Variants in PPP1R3A observed in about 807,000 individuals in gnomAD.
PPP1R3A encodes RG1.
In PPP1R3A, 29 loss-of-function variants were observed where a neutral mutation model predicts 41.7. That is an observed-to-expected ratio of 0.70 (90% CI 0.52 to 0.95). The LOEUF (loss-of-function observed/expected upper bound fraction) is 0.95. Among genes scored for constraint, PPP1R3A ranks in the 40% least tolerant of loss-of-function variants. The probability of loss-of-function intolerance (pLI) is 0.00; values close to 1 mark genes in which losing one functional copy is unlikely to be tolerated. For missense variants in PPP1R3A, 1,352 were observed against 1,292.4 expected, an observed-to-expected ratio of 1.05 and a Z score of -0.71; for synonymous variants, 485 against 453.4, an observed-to-expected ratio of 1.07 and a Z score of -0.89.
chr7:113,892,117 C>T (rs746519055), intron 1 of PPP1R3A, among the ~76,000 whole-genome samples: 5 of 152,014 alleles, frequency 3.3e-5, no homozygotes, highest in Non-Finnish European at 5.9e-5. Context: ...TGATAAACAG[C>T]TAAAAAGTAA....
intron 1 of PPP1R3A, among the ~76,000 whole-genome samples, chr7:113,888,814 G>T (rs936283831): frequency 1.3e-5 from 2 of 152,120 alleles, no homozygotes; most frequent in African/African-American, 4.8e-5. Context: ...ACATTCTAAG[G>T]AGTTCTTACC....
chr7:113,906,537 C>T (rs1389270579), intron 1 of PPP1R3A, among the ~76,000 whole-genome samples: 2 of 151,572 alleles, frequency 1.3e-5, no homozygotes, highest in East Asian at 3.9e-4. Flanking sequence ...GTAACTTTGA[C>T]TTGGAACATA....
intron 1 of PPP1R3A, among the ~76,000 whole-genome samples, chr7:113,890,849 T>A (rs1796868883): frequency 6.6e-6 from 1 of 151,926 alleles, no homozygotes; most frequent in South Asian, 2.1e-4. Flanking sequence ...CCATGCAACT[T>A]ACAGAAAGAT....
chr7:113,879,653 T>C lies in PPP1R3A; in HGVS notation c.1439A>G (p.Lys480Arg), dbSNP rs1437286464. ...HEGGAKNIEV[K>R]DLGCLRRDFH... is the part of the protein sequence containing the mutation. ...ATCTCTTCGTAAACATCCCAAATCT[T>C]TTACTTCAATATTTTTAGCTCCTCC... The change falls in exon 4 of 4, where the codon AAA (lysine) becomes AGA (arginine). Residue 480 changes from lysine to arginine, a missense_variant. By Grantham distance (26) the Lys-to-Arg change is conservative. Transcript: ENST00000284601. The C allele has an allele frequency of 4.3e-6, 7 of 1,613,136 alleles. No individual in the cohort carries two copies. The highest frequency in any genetic ancestry group is 5.1e-6 in the Non-Finnish European group (6 of 1,179,664).
rs1330622518 is a variant in PPP1R3A at position 113,879,489 on chromosome 7, G to C, written c.1603C>G (p.Gln535Glu). ...CTTTCTTGGTCATGTAAGATTGTTT[G>C]GAAATTTTTTCTTTGTTTTTCATTA... Reference protein sequence around the residue: ...GVNEKQRKNFQTILHDQERKM... With the variant: ...GVNEKQRKNFETILHDQERKM... Residue 535 changes from glutamine to glutamate, a missense_variant, in exon 4 of 4, where the codon CAA becomes GAA. Physicochemically the swap from Gln to Glu is conservative, Grantham distance 29. Coordinates refer to ENST00000284601, the MANE Select transcript of PPP1R3A (RefSeq NM_002711.4). 1.2e-6 allele frequency: 2 copies of C among 1,613,120 alleles called. No homozygotes were observed. The highest frequency in any genetic ancestry group is 2.2e-5 in the South Asian group (2 of 91,064).
In PPP1R3A at chr7:113,918,804, A is replaced by C; in HGVS notation, c.193T>G (p.Ser65Ala). ...TTGAATCCAAAGGAATCAGCAAATGAAACTCTTCTAGTACCTGAAGATGGG... is the reference window on the plus strand; with the variant it reads ...TTGAATCCAAAGGAATCAGCAAATGCAACTCTTCTAGTACCTGAAGATGGG... ...DTPSSGTRRV[S>A]FADSFGFNLV... The change falls in exon 1 of 4, where the codon TCA becomes GCA. Residue 65 changes from serine to alanine, a missense_variant. Physicochemically the swap from Ser to Ala is moderately conservative, Grantham distance 99. Coordinates refer to ENST00000284601, the MANE Select transcript of PPP1R3A (RefSeq NM_002711.4). 2 of 1,613,778 alleles carry C rather than the reference A, an allele frequency of 1.2e-6. No individual in the cohort carries two copies. The highest frequency in any genetic ancestry group is 2.2e-5 in the South Asian group (2 of 91,078).
chr7:113,884,167 T>C (rs1796742753), intron 1 of PPP1R3A, among the ~76,000 whole-genome samples: 1 of 152,002 alleles, frequency 6.6e-6, no homozygotes, highest in South Asian at 2.1e-4. Context: ...ACATACCATG[T>C]TCATAGATAG....
intron 3 of PPP1R3A, among the ~76,000 whole-genome samples, chr7:113,881,512 T>C (rs1376507472): frequency 1.3e-5 from 2 of 152,042 alleles, no homozygotes; most frequent in African/African-American, 4.8e-5. Flanking sequence ...GTACTGAATT[T>C]GTTTCCTGTT....
At chr7:113,906,635 A>G (rs1300871092) in intron 1 of PPP1R3A, among the ~76,000 whole-genome samples, 2 of 151,870 alleles carry the variant, frequency 1.3e-5, no homozygotes, top group Non-Finnish European at 2.9e-5. Flanking sequence ...TGCATTCATC[A>G]TTTGAACTAC....
intron 3 of PPP1R3A, among the ~76,000 whole-genome samples, chr7:113,880,326 T>G (rs1275959618): frequency 6.6e-6 from 1 of 151,968 alleles, no homozygotes; most frequent in Non-Finnish European, 1.5e-5. Flanking sequence ...ACGAGATTAG[T>G]AAGAAAGGGG....
intron 1 of PPP1R3A, among the ~76,000 whole-genome samples, chr7:113,915,252 A>G (rs1323888546): frequency 2.0e-5 from 3 of 152,092 alleles, no homozygotes; most frequent in Admixed American, 6.6e-5. Flanking sequence ...AAAAATCTCC[A>G]TAGAGAAAAC....
intron 1 of PPP1R3A, among the ~76,000 whole-genome samples, chr7:113,903,108 T>C (rs1260016630): frequency 6.6e-6 from 1 of 151,768 alleles, no homozygotes; most frequent in Non-Finnish European, 1.5e-5. Context: ...GAAGAAACCA[T>C]AGTAGAGTAG....
At chr7:113,880,180 T>C (rs1357906637) in intron 3 of PPP1R3A, 55 bp from the exon 4 acceptor site, 5 of 1,444,474 alleles carry the variant, frequency 3.5e-6, no homozygotes, top group East Asian at 2.3e-5. Flanking sequence ...TTAAAATATA[T>C]AGTGAATTAG....
chr7:113,910,664 T>G (rs1797229606), intron 1 of PPP1R3A, among the ~76,000 whole-genome samples: 1 of 152,110 alleles, frequency 6.6e-6, no homozygotes. Context: ...TTTGTGAAAC[T>G]GAAATTTATC....
chr7:113,899,798 A>C (rs190749731), intron 1 of PPP1R3A, among the ~76,000 whole-genome samples: 210 of 151,860 alleles, frequency 1.4e-3, no homozygotes, highest in African/African-American at 4.9e-3. Flanking sequence ...ATGTGCAGCC[A>C]ATTTTGAGAC....
intron 1 of PPP1R3A, among the ~76,000 whole-genome samples, chr7:113,894,940 G>A (rs10231419): frequency 1.3e-5 from 2 of 151,688 alleles, no homozygotes; most frequent in Non-Finnish European, 2.9e-5. Context: ...TTTGGAGAAG[G>A]AATGAATACA....
intron 1 of PPP1R3A, among the ~76,000 whole-genome samples, chr7:113,891,793 C>T (rs1796893798): frequency 6.6e-6 from 1 of 151,918 alleles, no homozygotes; most frequent in Admixed American, 6.6e-5. Flanking sequence ...TCCAAAGGTC[C>T]TATAATGCCA....
chr7:113,900,940 T>A (rs1352506657), intron 1 of PPP1R3A, among the ~76,000 whole-genome samples: 3 of 150,274 alleles, frequency 2.0e-5, no homozygotes, highest in South Asian at 2.1e-4. Context: ...AATGATTAAG[T>A]TTTTTTTTAA....
At chr7:113,880,695 T>G (rs1001306824) in intron 3 of PPP1R3A, among the ~76,000 whole-genome samples, 4 of 139,972 alleles carry the variant, frequency 2.9e-5, no homozygotes, top group Non-Finnish European at 6.1e-5. Context: ...CTGTCAGGAT[T>G]TAACAGTGAG....
Sources: gnomAD v4.1 joint callset for allele counts (sites outside exome capture counted in the v4.1 genomes callset) on GRCh38, gnomAD v4.1.1 for gene constraint, MANE v1.5 for transcripts, NCBI Gene and HGNC (gene_info 2026-07-23, HGNC 2026-07-21) for gene names.